The following GALNT17 variants were observed in gnomAD, a reference collection of about 807,000 sequenced individuals.
The protein encoded by GALNT17 is UDP-GalNAc:polypeptide N-acetylgalactosaminyltransferase-like 3.
A neutral mutation model predicts 63.7 loss-of-function variants in GALNT17; 29 were observed. The ratio of observed to expected loss-of-function variants is 0.46; its 90% CI spans 0.34 to 0.62. The LOEUF (loss-of-function observed/expected upper bound fraction) is 0.62. Ranked by LOEUF, GALNT17 falls within the 20% of genes least tolerant of loss-of-function variation. The pLI, the probability that GALNT17 is intolerant of heterozygous loss-of-function variation, is 0.01. For missense variants in GALNT17, 603 were observed against 799.6 expected, an observed-to-expected ratio of 0.75 and a Z score of 2.97; for synonymous variants, 305 against 318.3, an observed-to-expected ratio of 0.96 and a Z score of 0.45.
At chr7:71,432,037 T>C (rs1415421672) in intron 5 of GALNT17, among the ~76,000 whole-genome samples, 1 of 152,032 alleles carries the variant, frequency 6.6e-6, no homozygotes, top group African/African-American at 2.4e-5. Flanking sequence ...TAGCTGGGTG[T>C]GATGGTGCAC....
intron 5 of GALNT17, among the ~76,000 whole-genome samples, chr7:71,443,764 G>A (rs187839239): frequency 6.7e-6 from 1 of 149,218 alleles, no homozygotes; most frequent in African/African-American, 2.5e-5. Context: ...CGCTCTTGTT[G>A]CCCAGGCTGG....
chr7:71,401,057 T>C (rs1051106518), intron 3 of GALNT17, among the ~76,000 whole-genome samples: 3 of 152,132 alleles, frequency 2.0e-5, no homozygotes, highest in Non-Finnish European at 4.4e-5. Flanking sequence ...TTCTTTGTTT[T>C]TACAATTAGT....
intron 5 of GALNT17, among the ~76,000 whole-genome samples, chr7:71,554,215 G>A (rs1486207878): frequency 6.6e-6 from 1 of 152,194 alleles, no homozygotes; most frequent in Non-Finnish European, 1.5e-5. Context: ...GTCGTGGGAG[G>A]GACCCAGTGG....
At chr7:71,214,500 A>G (rs1374190932) in intron 1 of GALNT17, among the ~76,000 whole-genome samples, 1 of 151,904 alleles carries the variant, frequency 6.6e-6, no homozygotes, top group Non-Finnish European at 1.5e-5. Context: ...AGCCCCTTTC[A>G]TCTCCAAACT....
rs1385387795 is a variant in GALNT17, at chr7:71,712,002, T to C, written c.1669-16T>C. On this transcript the variant is annotated splice_polypyrimidine_tract_variant and intron_variant, in intron 10 of 10. Coordinates refer to ENST00000333538, the MANE Select transcript of GALNT17 (RefSeq NM_022479.3). ...TCTCTCTCTTCTCCTCTCTTCTCGA[T>C]TTTGCCCCCTCCCAGAATGGAGCCA... is the stretch of plus-strand genomic sequence containing the variant. The C allele has an allele frequency of 6.2e-7, 1 of 1,613,522 alleles. No homozygotes were observed. The highest frequency in any genetic ancestry group is 1.7e-5 in the Admixed American group (1 of 59,970).
At chr7:71,133,240 G>C (rs1360360018) in intron 1 of GALNT17, among the ~76,000 whole-genome samples, 200 bp downstream of exon 1, 1 of 152,162 alleles carries the variant, frequency 6.6e-6, no homozygotes, top group Admixed American at 6.5e-5. Flanking sequence ...ATTCTTTTCT[G>C]TGCCCCACCT....
chr7:71,360,275 C>T lies in GALNT17; in HGVS notation c.422+24542C>T, dbSNP rs75592355. 9.1e-3 allele frequency among the ~76,000 whole-genome samples: 1,384 copies of T among 152,198 alleles called. 20 individuals carry two copies. Among genetic ancestry groups the T allele is most frequent in the African/African-American group, 0.031 (1,271 of 41,544 alleles). On this transcript the variant is annotated intron_variant, in intron 2 of 10. Coordinates refer to ENST00000333538, the MANE Select transcript of GALNT17 (RefSeq NM_022479.3). Reference sequence around the variant, plus strand: ...TCATTTGTTCAAAAATTCATTCATCCGATCGACCAGATATAAATTATGACT... The same window carrying T: ...TCATTTGTTCAAAAATTCATTCATCTGATCGACCAGATATAAATTATGACT...
chr7:71,251,941 C>G (rs1035757214), intron 1 of GALNT17, among the ~76,000 whole-genome samples: 4 of 152,130 alleles, frequency 2.6e-5, no homozygotes, highest in Non-Finnish European at 5.9e-5. Context: ...ACCATAAGAT[C>G]TGTACAGTCA....
At chr7:71,142,923 A>T (rs867516082) in intron 1 of GALNT17, among the ~76,000 whole-genome samples, 43 of 145,352 alleles carry the variant, frequency 3.0e-4, no homozygotes, top group African/African-American at 1.1e-3. Flanking sequence ...CCTGGGCGAC[A>T]GGGCGAGACT....
At chr7:71,526,996 T>C (rs1788635502) in intron 5 of GALNT17, among the ~76,000 whole-genome samples, 1 of 152,228 alleles carries the variant, frequency 6.6e-6, no homozygotes, top group South Asian at 2.1e-4. Flanking sequence ...AAATTCTATA[T>C]CTCTATCACT....
At chr7:71,703,398 G>T (rs1294787588) in intron 9 of GALNT17, among the ~76,000 whole-genome samples, 1 of 152,172 alleles carries the variant, frequency 6.6e-6, no homozygotes, top group African/African-American at 2.4e-5. Flanking sequence ...AGAGAGTGAG[G>T]TGAGAAGGTC....
intron 6 of GALNT17, among the ~76,000 whole-genome samples, chr7:71,626,115 G>A (rs979295639): frequency 4.6e-5 from 7 of 151,958 alleles, no homozygotes; most frequent in African/African-American, 1.2e-4. Flanking sequence ...GTGGTGGCAC[G>A]TGCCTGTAGT....
At chr7:71,419,853 G>A (rs965317243) in intron 4 of GALNT17, among the ~76,000 whole-genome samples, 4 of 152,236 alleles carry the variant, frequency 2.6e-5, no homozygotes, top group African/African-American at 4.8e-5. Context: ...TATATGGTGT[G>A]TGCAGAAGTA....
intron 1 of GALNT17, among the ~76,000 whole-genome samples, chr7:71,257,223 C>T (rs1440901692): frequency 6.6e-6 from 1 of 151,904 alleles, no homozygotes; most frequent in Non-Finnish European, 1.5e-5. Flanking sequence ...ATTCATTCTG[C>T]ATCCTCATTT....
chr7:71,280,373 G>A (rs1459532853), intron 1 of GALNT17, among the ~76,000 whole-genome samples: 1 of 152,110 alleles, frequency 6.6e-6, no homozygotes, highest in East Asian at 1.9e-4. Context: ...GTGGTCACGT[G>A]GCTCATTTGT....
At chr7:71,562,800 C>T (rs1002795995) in intron 5 of GALNT17, among the ~76,000 whole-genome samples, 3 of 151,988 alleles carry the variant, frequency 2.0e-5, no homozygotes, top group South Asian at 2.1e-4. Context: ...AGTAGCCAGG[C>T]GAAAGGATCT....
intron 1 of GALNT17, among the ~76,000 whole-genome samples, chr7:71,307,969 A>AGCAG (rs936273948): frequency 2.0e-5 from 3 of 151,862 alleles, no homozygotes; most frequent in African/African-American, 7.2e-5. Context: ...AAAGGGGCAC[A>AGCAG]GCAGGTGGGT....
intron 1 of GALNT17, among the ~76,000 whole-genome samples, chr7:71,204,359 C>T (rs556872242): frequency 6.6e-5 from 10 of 152,056 alleles, no homozygotes; most frequent in Non-Finnish European, 1.3e-4. Flanking sequence ...TTTGTTTGCA[C>T]GAGATTGTTT....
chr7:71,461,487 T>A (rs1431028037), intron 5 of GALNT17, among the ~76,000 whole-genome samples: 1 of 152,190 alleles, frequency 6.6e-6, no homozygotes, highest in East Asian at 1.9e-4. Context: ...GAAGGATTTC[T>A]TGGAAGCAGA....
Sources: allele counts gnomAD v4.1 joint callset (sites outside exome capture counted in the v4.1 genomes callset), GRCh38; gene constraint gnomAD v4.1.1; transcripts MANE v1.5; gene names NCBI Gene and HGNC (gene_info 2026-07-23, HGNC 2026-07-21).